Variants in ROBO2 observed in about 807,000 individuals in gnomAD.
ROBO2 encodes the protein roundabout guidance receptor 2, also known as roundabout homolog 2.
ROBO2 carries 53 observed loss-of-function variants against 160.8 expected under a neutral mutation model. The observed-to-expected ratio is 0.33, with a 90% CI of 0.26 to 0.41. The LOEUF is 0.41. ROBO2 is among the 10% of genes least tolerant of loss of function. ROBO2 has a pLI of 1.00. For synonymous variants in ROBO2, 664 were observed against 611.7 expected, an observed-to-expected ratio of 1.09 and a Z score of -1.26; for missense variants, 1,577 against 1,722.4, an observed-to-expected ratio of 0.92 and a Z score of 1.49.
chr3:76,927,679 T>C (rs1409671528), intron 2 of ROBO2, among the ~76,000 whole-genome samples: 1 of 152,192 alleles, frequency 6.6e-6, no homozygotes, highest in Non-Finnish European at 1.5e-5. Flanking sequence ...TTTCAAAAAA[T>C]ATAGGAAAAT....
chr3:76,935,488 C>T (rs960139822), intron 2 of ROBO2, among the ~76,000 whole-genome samples: 3 of 152,188 alleles, frequency 2.0e-5, no homozygotes, highest in African/African-American at 7.2e-5. Flanking sequence ...GACAGTTCCT[C>T]AGTTTTTCTT....
intron 2 of ROBO2, among the ~76,000 whole-genome samples, chr3:76,889,137 GA>G (rs1276933175): frequency 6.6e-6 from 1 of 152,150 alleles, no homozygotes; most frequent in African/African-American, 2.4e-5. Context: ...TAGTTGTTGA[GA>G]ATCTGATTCA....
intron 2 of ROBO2, among the ~76,000 whole-genome samples, chr3:77,232,769 TA>T (rs1054157969): frequency 2.0e-5 from 3 of 152,176 alleles, no homozygotes; most frequent in African/African-American, 7.2e-5. Flanking sequence ...TATGTATGTC[TA>T]TGTCTTTCAG....
At position 76,075,096 on chromosome 3, in the gene ROBO2, T is replaced by C. The variant is rs538504483; in HGVS notation, c.109+137494T>C. On this transcript the variant is annotated intron_variant, in intron 2 of 26. Transcript: ENST00000487694. ...ATCGTATTTATCCTGCTGAGTTCTT[T>C]GTTGAAACGACATTGCTTCCCTGCA... Among the ~76,000 whole-genome samples the C allele has an allele frequency of 3.3e-5, 5 of 152,190 alleles. No homozygotes were observed. The South Asian group carries it at 1.0e-3, about 32-fold the overall frequency.
At chr3:76,322,683 T>C (rs1174964611) in intron 2 of ROBO2, among the ~76,000 whole-genome samples, 1 of 152,198 alleles carries the variant, frequency 6.6e-6, no homozygotes, top group Non-Finnish European at 1.5e-5. Flanking sequence ...CAGTTTTTCT[T>C]GTAACTTTAA....
At chr3:76,638,596 G>A (rs896128078) in intron 2 of ROBO2, among the ~76,000 whole-genome samples, 4 of 151,938 alleles carry the variant, frequency 2.6e-5, no homozygotes, top group African/African-American at 9.7e-5. Context: ...TTAAATTATT[G>A]GGTAAAAGTG....
chr3:76,859,306 AT>A (rs1260840904), intron 2 of ROBO2, among the ~76,000 whole-genome samples: 1 of 152,230 alleles, frequency 6.6e-6, no homozygotes, highest in African/African-American at 2.4e-5. Flanking sequence ...TGATGCAATC[AT>A]TTTTTAGTCA....
At chr3:76,683,463 G>GAAA (rs5850282) in intron 2 of ROBO2, among the ~76,000 whole-genome samples, 1,400 of 117,642 alleles carry the variant, frequency 0.012, 27 homozygotes, top group African/African-American at 0.037. Context: ...AACCCCCACC[G>GAAA]AAAAAAAAAA....
chr3:76,322,046 A>C (rs935580429), intron 2 of ROBO2, among the ~76,000 whole-genome samples: 1 of 151,670 alleles, frequency 6.6e-6, no homozygotes, highest in African/African-American at 2.4e-5. Flanking sequence ...GAAGAGTTTC[A>C]TCTATGATGT....
chr3:76,808,412 T>A (rs975952444), intron 2 of ROBO2, among the ~76,000 whole-genome samples: 2 of 152,120 alleles, frequency 1.3e-5, no homozygotes, highest in Non-Finnish European at 2.9e-5. Context: ...TCCTTCCTCC[T>A]CTGTCCCAGG....
At chr3:77,243,006 T>TGA (rs898049114) in intron 2 of ROBO2, among the ~76,000 whole-genome samples, 2 of 150,518 alleles carry the variant, frequency 1.3e-5, no homozygotes, top group African/African-American at 4.9e-5. Flanking sequence ...TCTGTGTCTA[T>TGA]GAGAGAGAGA....
intron 2 of ROBO2, among the ~76,000 whole-genome samples, chr3:76,086,769 T>A (rs1464979027): frequency 2.0e-5 from 3 of 152,040 alleles, no homozygotes; most frequent in Non-Finnish European, 4.4e-5. Context: ...GTAACTATGA[T>A]CAATATGCTA....
chr3:77,098,111 G>A, exon 2 of ROBO2: 3 of 1,614,136 alleles, frequency 1.9e-6, no homozygotes, highest in Non-Finnish European at 2.5e-6. Context: ...TGAACTGCAA[G>A]GCGGAGGGCC....
In ROBO2 at chr3:75,918,320, G is replaced by A. The variant is rs572116429; in HGVS notation, c.-14+11360G>A. ...TTTCCCCATTGCTTGCTTTTGTCAG[G>A]TTTGTTGAAGATCAGATGGTTGTAG... On this transcript the variant is annotated intron_variant, in intron 1 of 26. Transcript: ENST00000487694. 1.6e-4 allele frequency among the ~76,000 whole-genome samples: 25 copies of A among 152,196 alleles called. No individual in the cohort carries two copies. In the South Asian group the frequency reaches 3.3e-3, roughly 20 times the overall value.
intron 2 of ROBO2, among the ~76,000 whole-genome samples, chr3:77,417,830 A>C (rs947487677): frequency 2.0e-5 from 3 of 152,086 alleles, no homozygotes; most frequent in African/African-American, 7.2e-5. Flanking sequence ...ATTTAATGCA[A>C]TGCTTTTTTC....
At chr3:76,602,945 A>G (rs541551483) in intron 2 of ROBO2, among the ~76,000 whole-genome samples, 1 of 152,270 alleles carries the variant, frequency 6.6e-6, no homozygotes, top group African/African-American at 2.4e-5. Context: ...TCATACTTCT[A>G]ATCTTCTATT....
intron 2 of ROBO2, among the ~76,000 whole-genome samples, chr3:77,099,071 CTTTTTTT>C (rs750626067): frequency 8.2e-6 from 1 of 121,254 alleles, no homozygotes; most frequent in Non-Finnish European, 1.7e-5. Flanking sequence ...TTCTTTCTTT[CTTTTTTT>C]TTTTTTTTTT....
intron 2 of ROBO2, among the ~76,000 whole-genome samples, chr3:76,331,810 A>G (rs1383557682): frequency 6.6e-6 from 1 of 151,698 alleles, no homozygotes; most frequent in African/African-American, 2.4e-5. Context: ...CAGCCTCCCA[A>G]GTAGCTGGGA....
chr3:76,695,769 A>T (rs567379465), intron 2 of ROBO2, among the ~76,000 whole-genome samples: 4 of 152,142 alleles, frequency 2.6e-5, no homozygotes, highest in Non-Finnish European at 5.9e-5. Context: ...AGGCTCAGAG[A>T]GGTTGTATAA....
Sources: gnomAD v4.1 joint callset for allele counts (sites outside exome capture counted in the v4.1 genomes callset) on GRCh38, gnomAD v4.1.1 for gene constraint, MANE v1.5 for transcripts, NCBI Gene and HGNC (gene_info 2026-07-23, HGNC 2026-07-21) for gene names.